Variants in TNRC18 observed in about 807,000 individuals in gnomAD.
TNRC18 encodes trinucleotide repeat containing 18, also known as trinucleotide repeat-containing gene 18 protein.
A neutral mutation model predicts 226.7 loss-of-function variants in TNRC18; 69 were observed. That is an observed-to-expected ratio of 0.30 (90% CI 0.25 to 0.37). TNRC18 has a LOEUF of 0.37. Ranked by LOEUF, TNRC18 falls within the 10% of genes least tolerant of loss-of-function variation. The probability of loss-of-function intolerance (pLI) is 1.00; values close to 1 mark genes in which losing one functional copy is unlikely to be tolerated. For missense variants in TNRC18, 4,754 were observed against 4,256.6 expected, an observed-to-expected ratio of 1.12 and a Z score of -3.25; for synonymous variants, 2,449 against 1,927.6, an observed-to-expected ratio of 1.27 and a Z score of -7.09.
chr7:5,320,498 C>G (rs367846701), intron 23 of TNRC18, 34 bp downstream of exon 23: 3 of 1,573,642 alleles, frequency 1.9e-6, no homozygotes, highest in Non-Finnish European at 2.6e-6. Context: ...CAGCCCACCC[C>G]GAGCCTCCCG....
At chr7:5,366,415 C>A (rs1793634313) in intron 11 of TNRC18, among the ~76,000 whole-genome samples, 1 of 139,870 alleles carries the variant, frequency 7.1e-6, no homozygotes, top group South Asian at 2.3e-4. Flanking sequence ...CAACCTTCGC[C>A]TCCTGGATTC....
Position 5,390,600 on chromosome 7 carries a change from G to A in TNRC18, c.372C>T (p.Tyr124=). The part of the protein sequence containing the change: ...EGFSHLPSGL[Y]PSYLHLNHLE... ...GGTGGTTCAGGTGGAGGTAGGATGGGTACAGCCCACTGGGCAGGTGGGAGA... is the reference window on the plus strand; with the variant it reads ...GGTGGTTCAGGTGGAGGTAGGATGGATACAGCCCACTGGGCAGGTGGGAGA... Residue 124 remains tyrosine, a synonymous_variant, in exon 4 of 30, where the codon TAC becomes TAT. Transcript: ENST00000430969. The A allele has an allele frequency of 6.2e-7, 1 of 1,604,214 alleles. No individual in the cohort carries two copies. Among genetic ancestry groups the A allele is most frequent in the Non-Finnish European group, 8.5e-7 (1 of 1,175,332 alleles).
chr7:5,382,532 G>T (rs911951955), intron 5 of TNRC18, among the ~76,000 whole-genome samples: 2 of 151,862 alleles, frequency 1.3e-5, no homozygotes, highest in Non-Finnish European at 2.9e-5. Context: ...TGCTCTCCAG[G>T]GGTCCGGGGA....
intron 18 of TNRC18, among the ~76,000 whole-genome samples, chr7:5,335,939 G>A (rs1790059823): frequency 6.6e-6 from 1 of 151,718 alleles, no homozygotes; most frequent in Non-Finnish European, 1.5e-5. Flanking sequence ...ATTCACAGTG[G>A]CTCACACCTA....
chr7:5,361,647 C>T lies in TNRC18; in HGVS notation c.4608G>A (p.Pro1536=), dbSNP rs888267670. The T allele has an allele frequency of 6.4e-6, 10 of 1,555,556 alleles. No homozygotes were observed. Among genetic ancestry groups the T allele is most frequent in the East Asian group, 2.4e-5 (1 of 40,990 alleles). The change falls in exon 14 of 30, where the codon CCG becomes CCA. Residue 1536 remains proline, a synonymous_variant. Transcript: ENST00000430969. ...TCTTGCGGGGGGGCGACAGGGCGCT[C>T]GGGGCGTGGGTCCGTTTCCGCGGCC... ...PGRPRKRTHA[P]SALSPPRKRG...
In TNRC18 at chr7:5,316,050, A is replaced by G. The variant is rs749324581; in HGVS notation, c.6768T>C (p.Asp2256=). The G allele has an allele frequency of 6.2e-7, 1 of 1,610,816 alleles. No individual in the cohort carries two copies. Among genetic ancestry groups the G allele is most frequent in the Non-Finnish European group, 8.5e-7 (1 of 1,178,488 alleles). ...CAAACTCCACGGTGATCAAGTCCCC[A>G]TCGTCCTCCAGGTCCAGTAACCCTG... ...VVRGLLDLED[D]GDLITVEFDD... Residue 2256 remains aspartate, a synonymous_variant, in exon 25 of 30, where the codon GAT becomes GAC. Coordinates refer to ENST00000430969, the MANE Select transcript of TNRC18 (RefSeq NM_001080495.3).
chr7:5,390,774 G>A (rs1363653738), intron 3 of TNRC18, 146 bp from the exon 4 acceptor site: 8 of 925,344 alleles, frequency 8.6e-6, no homozygotes, highest in Non-Finnish European at 1.2e-5. Context: ...TCAGGGCAAT[G>A]CATTCTCCTG....
intron 2 of TNRC18, among the ~76,000 whole-genome samples, chr7:5,402,889 G>A (rs1388428272): frequency 1.3e-5 from 2 of 151,960 alleles, no homozygotes; most frequent in Non-Finnish European, 2.9e-5. Flanking sequence ...GGAATGGGGG[G>A]GCAAGGTCCT....
rs567000634 is a variant in TNRC18, at chr7:5,323,027, C to T, written c.6442+1187G>A. On this transcript the variant is annotated intron_variant, in intron 21 of 29. Coordinates refer to ENST00000430969, the MANE Select transcript of TNRC18 (RefSeq NM_001080495.3). ...CAACACACGCAGAGAGGACCACAGA[C>T]CTGGAGCAGCTGACCCCTGGCCAGC... 2.2e-3 allele frequency among the ~76,000 whole-genome samples: 328 copies of T among 152,298 alleles called. 4 individuals carry two copies. Among genetic ancestry groups the T allele is most frequent in the African/African-American group, 7.4e-3 (306 of 41,560 alleles).
chr7:5,324,092 CTCCTGTGG>C lies in TNRC18; in HGVS notation c.6442+114_6442+121del, dbSNP rs2128117791. 8 of 1,126,292 alleles carry C rather than the reference CTCCTGTGG, an allele frequency of 7.1e-6. No homozygotes were observed. In the South Asian group the frequency reaches 1.2e-4, roughly 17 times the overall value. 69.8% of individuals were successfully genotyped at this position (1,126,292 alleles called of 1,614,324 possible). On this transcript the variant is annotated intron_variant, in intron 21 of 29. Transcript: ENST00000430969. This position sits in a 1 kb window ranked among gnomAD's most constrained non-coding sequence, Gnocchi z 4.8. ...GGATAACTCAGCCTCAGGATCTCTGCTCCTGTGGTTCCCTGCCCCCAGCTAGCCCAGCC... is the reference window on the plus strand; with the variant it reads ...GGATAACTCAGCCTCAGGATCTCTGCTTCCCTGCCCCCAGCTAGCCCAGCC...
rs1311141099 is a variant in TNRC18, at chr7:5,307,205, A to AT, written c.*900dup. 2.1e-5 allele frequency: 1 copy of AT among 47,058 alleles called. No individual in the cohort carries two copies. The highest frequency in any genetic ancestry group is 4.7e-5 in the Non-Finnish European group (1 of 21,414). The allele number at this position is 47,058 out of a possible 1,614,324, so 2.9% of individuals were successfully genotyped here. ...AAAAAATAATATTCTGCACGTCAGA[A>AT]TGTTTTTTTTTATAATTTCATAGCT... On this transcript the variant is annotated 3_prime_UTR_variant, in exon 30 of 30. Coordinates refer to ENST00000430969, the MANE Select transcript of TNRC18 (RefSeq NM_001080495.3).
intron 15 of TNRC18, among the ~76,000 whole-genome samples, 165 bp from the exon 16 acceptor site, chr7:5,357,441 T>C (rs1792560546): frequency 6.6e-6 from 1 of 152,016 alleles, no homozygotes; most frequent in African/African-American, 2.4e-5. Flanking sequence ...AGACGGAGTC[T>C]CGCTCTGTCG....
At chr7:5,361,272 C>T (rs990881663) in intron 14 of TNRC18, among the ~76,000 whole-genome samples, 3 of 152,208 alleles carry the variant, frequency 2.0e-5, no homozygotes, top group African/African-American at 4.8e-5. Context: ...GCGGGTCCTT[C>T]CGCAGGGAGG....
chr7:5,404,056 A>G (rs1781295968), intron 2 of TNRC18, among the ~76,000 whole-genome samples: 1 of 152,242 alleles, frequency 6.6e-6, no homozygotes, highest in South Asian at 2.1e-4. Context: ...CTGGCTATAT[A>G]AAGATTCTCA....
intron 24 of TNRC18, among the ~76,000 whole-genome samples, chr7:5,316,788 G>T (rs567636458): frequency 6.6e-6 from 1 of 152,274 alleles, no homozygotes; most frequent in African/African-American, 2.4e-5. Context: ...TGCAGGAACG[G>T]GCTTTGATCT....
intron 27 of TNRC18, among the ~76,000 whole-genome samples, chr7:5,311,276 G>T (rs1286342893): frequency 1.3e-5 from 2 of 152,252 alleles, no homozygotes; most frequent in Non-Finnish European, 2.9e-5. Flanking sequence ...GCCACAGGCA[G>T]GCTGGAAGGG....
At chr7:5,371,503 C>T in intron 10 of TNRC18, 139 bp from the exon 11 acceptor site, 1 of 1,159,862 alleles carries the variant, frequency 8.6e-7, no homozygotes, top group Non-Finnish European at 1.2e-6. Context: ...GGGAGCTGTT[C>T]TAGGTGGGAT....
At position 5,388,618 on chromosome 7, in the gene TNRC18, G is replaced by C. The variant is rs1251160597; in HGVS notation, c.1206C>G (p.Arg402=). 3 of 1,284,188 alleles carry C rather than the reference G, an allele frequency of 2.3e-6. No homozygotes were observed. The highest frequency in any genetic ancestry group is 2.0e-6 in the Non-Finnish European group (2 of 1,014,816). The allele number at this position is 1,284,188 out of a possible 1,614,324, so 79.5% of individuals were successfully genotyped here. The change falls in exon 5 of 30, where the codon CGC becomes CGG. Residue 402 remains arginine, a synonymous_variant. Transcript: ENST00000430969. The part of the protein sequence containing the change: ...SQARDARARE[R]EAGRPGVLQA... ...GCAGGACCCCTGGCCTGCCAGCCTCGCGCTCGCGGGCCCGGGCATCGCGCG... is the reference window on the plus strand; with the variant it reads ...GCAGGACCCCTGGCCTGCCAGCCTCCCGCTCGCGGGCCCGGGCATCGCGCG...
At chr7:5,419,078 G>A (rs1433465723) in intron 2 of TNRC18, among the ~76,000 whole-genome samples, 1 of 152,230 alleles carries the variant, frequency 6.6e-6, no homozygotes, top group African/African-American at 2.4e-5. Flanking sequence ...CCCAGCGAGC[G>A]CAGAAGGTGC....
Sources: allele counts gnomAD v4.1 joint callset (sites outside exome capture counted in the v4.1 genomes callset), GRCh38; gene constraint gnomAD v4.1.1; non-coding constraint Gnocchi (gnomAD v3.1); transcripts MANE v1.5; gene names NCBI Gene and HGNC (gene_info 2026-07-23, HGNC 2026-07-21).